The following TYW1 variants were observed in gnomAD, a reference collection of about 807,000 sequenced individuals.
The protein encoded by TYW1 is tRNA-yW synthesizing protein 1 homolog, also known as S-adenosyl-L-methionine-dependent tRNA 4-demethylwyosine synthase TYW1.
In TYW1, 46 loss-of-function variants were observed where a neutral mutation model predicts 96.2. The observed-to-expected ratio is 0.48, with a 90% CI of 0.38 to 0.61. The LOEUF (loss-of-function observed/expected upper bound fraction) is 0.61. TYW1 is among the 20% of genes least tolerant of loss of function. TYW1 has a pLI of 0.00. For synonymous variants in TYW1, 274 were observed against 323.0 expected (o/e 0.85, Z 1.63); for missense variants, 684 against 909.6 (o/e 0.75, Z 3.19).
At chr7:67,051,357 G>A (rs1051938617) in intron 8 of TYW1, among the ~76,000 whole-genome samples, 5 of 151,942 alleles carry the variant, frequency 3.3e-5, no homozygotes, top group Non-Finnish European at 5.9e-5. Flanking sequence ...GCTTAGGCTG[G>A]AGTGCAGTGG....
At chr7:66,997,108 C>A (rs1793193824) in intron 1 of TYW1, 126 bp downstream of exon 1, 1 of 1,534,514 alleles carries the variant, frequency 6.5e-7, no homozygotes, top group East Asian at 2.4e-5. Flanking sequence ...TTGACAGCAC[C>A]GGCTAGTCGC....
At chr7:67,059,190 C>G (rs974695472) in intron 9 of TYW1, among the ~76,000 whole-genome samples, 5 of 150,474 alleles carry the variant, frequency 3.3e-5, no homozygotes, top group African/African-American at 9.8e-5. Flanking sequence ...GGCTCTGCCT[C>G]CCAGGTTCAC....
chr7:67,144,575 A>G (rs1427681649), intron 13 of TYW1, among the ~76,000 whole-genome samples: 1 of 152,104 alleles, frequency 6.6e-6, no homozygotes, highest in African/African-American at 2.4e-5. Context: ...GACTCAAGCA[A>G]TCCTCCTGCC....
chr7:67,218,659 A>G (rs749444053), intron 15 of TYW1, among the ~76,000 whole-genome samples: 13 of 152,118 alleles, frequency 8.5e-5, no homozygotes, highest in Non-Finnish European at 1.5e-4. Context: ...TATGGTGGCT[A>G]TTGTTTATGA....
At chr7:67,237,535 G>A (rs1406749023) in intron 15 of TYW1, among the ~76,000 whole-genome samples, 1 of 149,436 alleles carries the variant, frequency 6.7e-6, no homozygotes, top group Admixed American at 6.7e-5. Flanking sequence ...GGCATGACAA[G>A]TACTTGTCTG....
chr7:67,236,298 G>T (rs918496796), intron 15 of TYW1, among the ~76,000 whole-genome samples: 1 of 152,228 alleles, frequency 6.6e-6, no homozygotes, highest in Non-Finnish European at 1.5e-5. Flanking sequence ...TCTGCTGTCG[G>T]CACAGTCTCA....
chr7:67,016,890 G>C (rs1373138820), intron 5 of TYW1, among the ~76,000 whole-genome samples: 2 of 151,916 alleles, frequency 1.3e-5, no homozygotes, highest in African/African-American at 4.8e-5. Flanking sequence ...CTCCCAAGGT[G>C]CTGGAATTAT....
intron 13 of TYW1, among the ~76,000 whole-genome samples, chr7:67,162,448 A>C (rs1799191135): frequency 6.6e-6 from 1 of 152,350 alleles, no homozygotes. Context: ...TGGTACAAGT[A>C]ATATTTCTGG....
At chr7:67,220,976 C>G (rs1360948499) in intron 15 of TYW1, among the ~76,000 whole-genome samples, 1 of 152,132 alleles carries the variant, frequency 6.6e-6, no homozygotes, top group Non-Finnish European at 1.5e-5. Context: ...ATCCACCTGC[C>G]TTGGCCTCCC....
intron 13 of TYW1, among the ~76,000 whole-genome samples, chr7:67,118,047 A>G (rs559897461): frequency 1.1e-4 from 16 of 152,340 alleles, no homozygotes; most frequent in African/African-American, 3.8e-4. Context: ...TAGGCCAAGC[A>G]TGGTGGTTCA....
chr7:67,095,439 C>A (rs1257098126), intron 11 of TYW1, among the ~76,000 whole-genome samples: 3 of 151,254 alleles, frequency 2.0e-5, no homozygotes, highest in Non-Finnish European at 4.4e-5. Flanking sequence ...GTAATCCCAG[C>A]ACTTTGGGAG....
chr7:67,027,884 C>T (rs1437452507), intron 7 of TYW1, among the ~76,000 whole-genome samples: 3 of 148,840 alleles, frequency 2.0e-5, no homozygotes, highest in African/African-American at 5.0e-5. Flanking sequence ...GAGCAGAGAT[C>T]GCGCCACTGC....
chr7:67,183,137 T>A lies in TYW1; in HGVS notation c.1710T>A (p.Thr570=), dbSNP rs373327693. Reference sequence around the variant, plus strand: ...TTCCTTTGTTTTAGCAACAACGAACTGTCTACAGACTGACGCTCGTGAAAG... The same window carrying A: ...TTCCTTTGTTTTAGCAACAACGAACAGTCTACAGACTGACGCTCGTGAAAG... ...LKALAVKQQR[T]VYRLTLVKAW... The change falls in exon 14 of 16, where the codon ACT becomes ACA. Residue 570 remains threonine (T), a synonymous_variant. Coordinates refer to ENST00000359626, the MANE Select transcript of TYW1 (RefSeq NM_018264.4). The A allele has an allele frequency of 7.8e-5, 126 of 1,607,266 alleles. No homozygotes were observed. The highest frequency in any genetic ancestry group is 4.7e-4 in the Admixed American group (28 of 59,366).
chr7:67,088,789 C>G (rs1300984264), intron 11 of TYW1, among the ~76,000 whole-genome samples: 2 of 152,106 alleles, frequency 1.3e-5, no homozygotes, highest in Admixed American at 6.5e-5. Flanking sequence ...AGTCTGATCT[C>G]GAACTCCTGG....
intron 15 of TYW1, among the ~76,000 whole-genome samples, chr7:67,211,874 T>G (rs1801040153): frequency 6.6e-6 from 1 of 152,210 alleles, no homozygotes; most frequent in Non-Finnish European, 1.5e-5. Flanking sequence ...TCTTTCCCCC[T>G]CTATGCCCTT....
At chr7:67,108,484 C>A (rs1797306093) in intron 12 of TYW1, among the ~76,000 whole-genome samples, 1 of 150,696 alleles carries the variant, frequency 6.6e-6, no homozygotes, top group East Asian at 2.0e-4. Flanking sequence ...CCCTGTCACC[C>A]AGCCTGGAGT....
At chr7:67,172,723 A>G (rs12154804) in intron 13 of TYW1, among the ~76,000 whole-genome samples, 14,922 of 152,158 alleles carry the variant, frequency 0.098, 812 homozygotes, top group Middle Eastern at 0.15. Context: ...GTGCCCAGCT[A>G]AGACCTTACC....
chr7:67,176,617 A>G (rs1799677165), intron 13 of TYW1, among the ~76,000 whole-genome samples: 1 of 152,174 alleles, frequency 6.6e-6, no homozygotes, highest in Admixed American at 6.6e-5. Flanking sequence ...CTGTTGAGCA[A>G]CACTGGCTTA....
intron 7 of TYW1, among the ~76,000 whole-genome samples, chr7:67,037,532 A>G (rs1221513378): frequency 6.6e-6 from 1 of 151,068 alleles, no homozygotes; most frequent in Non-Finnish European, 1.5e-5. Context: ...AGATAATCCT[A>G]TCACTTGAGA....
Sources: gnomAD v4.1 joint callset for allele counts (sites outside exome capture counted in the v4.1 genomes callset) on GRCh38, gnomAD v4.1.1 for gene constraint, MANE v1.5 for transcripts, NCBI Gene and HGNC (gene_info 2026-07-23, HGNC 2026-07-21) for gene names.